SPPL3: variants seen among roughly 807,000 people sequenced by gnomAD.
SPPL3 encodes signal peptide peptidase-like 3.
SPPL3 carries 5 observed loss-of-function variants against 42.4 expected under a neutral mutation model. The ratio of observed to expected loss-of-function variants is 0.12; its 90% CI spans 0.06 to 0.25. The LOEUF (loss-of-function observed/expected upper bound fraction) is 0.25, where lower values mean the gene tolerates loss of function less well. Ranked by LOEUF, SPPL3 falls within the 10% of genes least tolerant of loss-of-function variation. The probability of loss-of-function intolerance (pLI) is 1.00; values close to 1 mark genes in which losing one functional copy is unlikely to be tolerated. For synonymous variants in SPPL3, 195 were observed against 181.8 expected (o/e 1.07, Z -0.58); for missense variants, 235 against 489.0 (o/e 0.48, Z 4.90).
rs1038183189 is a variant in SPPL3 at position 120,782,528 on chromosome 12, C to T, written c.502+127G>A. On this transcript the variant is annotated intron_variant, in intron 6 of 10. Coordinates refer to ENST00000353487, the MANE Select transcript of SPPL3 (RefSeq NM_139015.5). Reference sequence around the variant, plus strand: ...GGGAATGACCGCTCATTTGTTTTGGCGGGGGTGGGTGTGAAAATGCTCTAA... The same window carrying T: ...GGGAATGACCGCTCATTTGTTTTGGTGGGGGTGGGTGTGAAAATGCTCTAA... 9.2e-6 allele frequency: 6 copies of T among 648,898 alleles called. No homozygotes were observed. In the East Asian group the frequency reaches 9.3e-5, roughly 10 times the overall value. 40.2% of individuals were successfully genotyped at this position (648,898 alleles called of 1,614,324 possible).
At chr12:120,766,483 A>G in intron 9 of SPPL3, 111 bp from the exon 10 acceptor site, 1 of 817,460 alleles carries the variant, frequency 1.2e-6, no homozygotes, top group Non-Finnish European at 1.8e-6. Flanking sequence ...CGTCCATTCT[A>G]TGGTTGGGGT....
intron 1 of SPPL3, among the ~76,000 whole-genome samples, chr12:120,843,988 C>G (rs1019341976): frequency 2.0e-5 from 3 of 152,046 alleles, no homozygotes; most frequent in Non-Finnish European, 1.5e-5. Context: ...TAACATAAAA[C>G]AAAACAAAAC....
At chr12:120,876,839 AC>A (rs1873117206) in intron 1 of SPPL3, among the ~76,000 whole-genome samples, 1 of 146,126 alleles carries the variant, frequency 6.8e-6, no homozygotes, top group Admixed American at 6.8e-5. Context: ...ACACACACAC[AC>A]ACAAATTAAA....
At chr12:120,779,902 G>T (rs543062972) in intron 6 of SPPL3, among the ~76,000 whole-genome samples, 1 of 150,802 alleles carries the variant, frequency 6.6e-6, no homozygotes, top group South Asian at 2.1e-4. Context: ...GGAGGCTGAG[G>T]CAGGAGAATC....
chr12:120,769,095 G>T, intron 6 of SPPL3, 36 bp from the exon 7 acceptor site: 2 of 1,511,304 alleles, frequency 1.3e-6, no homozygotes, highest in South Asian at 1.2e-5. Flanking sequence ...ACAGCAGTCA[G>T]TGTGGACTCC....
In SPPL3 at chr12:120,784,946, G is replaced by C. The variant is rs562169248; in HGVS notation, c.191-353C>G. ...ATTTGTGGTCTTGAATATAGGTTTGGTAAAAGAGGTGGTTTAAACCCATTG... is the reference window on the plus strand; with the variant it reads ...ATTTGTGGTCTTGAATATAGGTTTGCTAAAAGAGGTGGTTTAAACCCATTG... On this transcript the variant is annotated intron_variant, in intron 3 of 10. Coordinates refer to ENST00000353487, the MANE Select transcript of SPPL3 (RefSeq NM_139015.5). Among the ~76,000 whole-genome samples the C allele has an allele frequency of 6.6e-5, 10 of 151,956 alleles. No homozygotes were observed. The South Asian group carries it at 1.2e-3, about 19-fold the overall frequency.
intron 1 of SPPL3, among the ~76,000 whole-genome samples, chr12:120,894,018 C>T (rs904781757): frequency 8.6e-5 from 13 of 152,012 alleles, no homozygotes; most frequent in East Asian, 1.9e-4. Context: ...TTTTTGCAAG[C>T]GGTTATAAGA....
At position 120,893,788 on chromosome 12, in the gene SPPL3, C is replaced by G. The variant is rs983357706; in HGVS notation, c.23+10057G>C. Among the ~76,000 whole-genome samples the G allele has an allele frequency of 3.9e-5, 6 of 152,194 alleles. No individual in the cohort carries two copies. The East Asian group carries it at 1.2e-3, about 29-fold the overall frequency. ...GAGCCTCTTCTGATTCCTCTTCTTC[C>G]TGACATTTCTTAATTGTGAGTTTCC... On this transcript the variant is annotated intron_variant, in intron 1 of 10. Transcript: ENST00000353487.
At chr12:120,815,680 C>G (rs1870844751) in intron 1 of SPPL3, among the ~76,000 whole-genome samples, 1 of 152,126 alleles carries the variant, frequency 6.6e-6, no homozygotes, top group Non-Finnish European at 1.5e-5. Flanking sequence ...TGGAGACTCT[C>G]TAGAAACTCT....
intron 6 of SPPL3, among the ~76,000 whole-genome samples, chr12:120,781,667 G>A (rs1050828668): frequency 5.1e-5 from 7 of 138,452 alleles, no homozygotes; most frequent in East Asian, 2.3e-4. Flanking sequence ...TCCGCCTCCC[G>A]GGTTCACACC....
chr12:120,767,084 T>G (rs1442577155), intron 9 of SPPL3, among the ~76,000 whole-genome samples: 1 of 152,192 alleles, frequency 6.6e-6, no homozygotes, highest in Non-Finnish European at 1.5e-5. Flanking sequence ...AGGAAATAAA[T>G]ACGACAGTCA....
chr12:120,903,785 G>A, intron 1 of SPPL3, 60 bp downstream of exon 1: 4 of 1,093,494 alleles, frequency 3.7e-6, no homozygotes, highest in Non-Finnish European at 4.8e-6. Flanking sequence ...TCGGCGGGCC[G>A]CGCCGGCGCC....
chr12:120,878,454 T>C (rs932283620), intron 1 of SPPL3, among the ~76,000 whole-genome samples: 1 of 152,166 alleles, frequency 6.6e-6, no homozygotes. Context: ...AATCAAGGGA[T>C]TGGGTCTCAA....
intron 1 of SPPL3, among the ~76,000 whole-genome samples, chr12:120,852,898 T>C (rs1872308048): frequency 8.7e-6 from 1 of 115,422 alleles, no homozygotes; most frequent in South Asian, 2.8e-4. Flanking sequence ...TTCATATATA[T>C]ATATATATTT....
chr12:120,822,994 T>C (rs909823943), intron 1 of SPPL3, among the ~76,000 whole-genome samples: 4 of 150,384 alleles, frequency 2.7e-5, no homozygotes, highest in Admixed American at 6.6e-5. Flanking sequence ...CAAAAAGAAG[T>C]AAACAGGTTG....
rs575592118 is a variant in SPPL3, at chr12:120,812,221, G to C, written c.24-1335C>G. On this transcript the variant is annotated intron_variant, in intron 1 of 10. Transcript: ENST00000353487. ...ATGATCTTGTTTCACTGCAACCTCC[G>C]CCTCCTGGGTTCAAGCGATTCTCTT... Among the ~76,000 whole-genome samples the C allele has an allele frequency of 3.4e-3, 514 of 151,122 alleles. 3 individuals carry two copies. Among genetic ancestry groups the C allele is most frequent in the African/African-American group, 0.012 (497 of 41,168 alleles).
chr12:120,870,047 TACTGTA>T (rs1209411990), intron 1 of SPPL3, among the ~76,000 whole-genome samples: 2 of 152,214 alleles, frequency 1.3e-5, no homozygotes, highest in African/African-American at 4.8e-5. Flanking sequence ...ATGTTTAGCT[TACTGTA>T]AAGGATGCAG....
chr12:120,870,739 GGACAAATAAAGGATTCCATTTATGT>G (rs1046003077), intron 1 of SPPL3, among the ~76,000 whole-genome samples: 2 of 152,108 alleles, frequency 1.3e-5, no homozygotes, highest in African/African-American at 4.8e-5. Context: ...AGTCACAAAA[GGACAAATAAAGGATTCCATTTATGT>G]GACCTAGCTA....
chr12:120,823,394 C>A (rs1592980488), intron 1 of SPPL3, among the ~76,000 whole-genome samples: 5 of 152,276 alleles, frequency 3.3e-5, no homozygotes, highest in Admixed American at 3.3e-4. Flanking sequence ...TCCCCAAGAT[C>A]ATCAACAATC....
Sources: allele counts gnomAD v4.1 joint callset (sites outside exome capture counted in the v4.1 genomes callset), GRCh38; gene constraint gnomAD v4.1.1; transcripts MANE v1.5; gene names NCBI Gene and HGNC (gene_info 2026-07-23, HGNC 2026-07-21).